The following PIP5K1B variants were observed in gnomAD, a reference collection of about 807,000 sequenced individuals.
PIP5K1B encodes phosphatidylinositol-4-phosphate 5-kinase type 1 beta, also known as phosphatidylinositol 4-phosphate 5-kinase type-1 beta.
Under a neutral mutation model 67.0 loss-of-function variants are expected in PIP5K1B, and 42 were observed. That is an observed-to-expected ratio of 0.63 (90% CI 0.49 to 0.81). PIP5K1B has a LOEUF of 0.81. Ranked by LOEUF, PIP5K1B falls within the 30% of genes least tolerant of loss-of-function variation. The pLI is 0.00. For missense variants in PIP5K1B, 459 were observed against 646.3 expected, an observed-to-expected ratio of 0.71 and a Z score of 3.14; for synonymous variants, 214 against 231.4, an observed-to-expected ratio of 0.92 and a Z score of 0.68.
chr9:68,795,342 A>G (rs538845464), intron 2 of PIP5K1B, among the ~76,000 whole-genome samples: 2 of 152,206 alleles, frequency 1.3e-5, no homozygotes, highest in Non-Finnish European at 2.9e-5. Context: ...TATCACAAAA[A>G]GTAGTAAGGA....
At chr9:68,954,424 C>A (rs988231356) in intron 14 of PIP5K1B, among the ~76,000 whole-genome samples, 1 of 152,180 alleles carries the variant, frequency 6.6e-6, no homozygotes, top group African/African-American at 2.4e-5. Context: ...AGCGAAGATT[C>A]TAAGGTTTGC....
Position 68,888,987 on chromosome 9 carries a change from A to G in PIP5K1B, c.325A>G (p.Ile109Val). 1.9e-6 allele frequency: 3 copies of G among 1,606,876 alleles called. No individual in the cohort carries two copies. The highest frequency in any genetic ancestry group is 2.2e-5 in the South Asian group (2 of 90,774). The change falls in exon 7 of 16, where the codon ATC (isoleucine) becomes GTC (valine). Residue 109 changes from isoleucine to valine, a missense_variant. Physicochemically the swap from Ile to Val is conservative, Grantham distance 29. Transcript: ENST00000265382. ...GIKPDDYLYS[I>V]CSEPLIELSN... is the part of the protein sequence containing the mutation. ...TATTCATTTACCCTTTTAGTATTCC[A>G]TCTGCAGTGAACCTCTAATAGAACT... is the stretch of plus-strand genomic sequence containing the variant.
At chr9:68,883,537 G>A (rs1050339014) in intron 6 of PIP5K1B, among the ~76,000 whole-genome samples, 1 of 152,144 alleles carries the variant, frequency 6.6e-6, no homozygotes, top group African/African-American at 2.4e-5. Flanking sequence ...GCAAAATAAT[G>A]TAAAAGATGT....
intron 8 of PIP5K1B, among the ~76,000 whole-genome samples, chr9:68,908,336 A>AATAT (rs142638844): frequency 6.0e-5 from 9 of 148,992 alleles, no homozygotes; most frequent in Admixed American, 2.0e-4. Flanking sequence ...GAAGCTGGTG[A>AATAT]ATATATATAT....
rs752537837 is a variant in PIP5K1B, at chr9:68,780,704, C to G, written c.-85-37757C>G. ...CAAGCCCTATTCCCAGCCCAACGACCCGATTTACCACCCGGAGAAGCCAGA... is the reference window on the plus strand; with the variant it reads ...CAAGCCCTATTCCCAGCCCAACGACGCGATTTACCACCCGGAGAAGCCAGA... On this transcript the variant is annotated intron_variant, in intron 2 of 15. Transcript: ENST00000265382. 28 of 1,614,204 alleles carry G rather than the reference C, an allele frequency of 1.7e-5. No homozygotes were observed. The East Asian group carries it at 6.0e-4, about 35-fold the overall frequency.
At chr9:68,960,928 C>T (rs1031102167) in intron 14 of PIP5K1B, among the ~76,000 whole-genome samples, 10 of 152,148 alleles carry the variant, frequency 6.6e-5, no homozygotes, top group African/African-American at 1.2e-4. Context: ...AGCGTGTCAC[C>T]GGCCGGGCGC....
chr9:68,753,511 G>GTTT (rs1829747426), intron 2 of PIP5K1B, among the ~76,000 whole-genome samples: 15 of 21,830 alleles, frequency 6.9e-4, no homozygotes, highest in East Asian at 3.2e-3. Flanking sequence ...GGCTAATTTT[G>GTTT]TTTCTTTTTT....
chr9:68,795,044 G>A (rs879705203), intron 2 of PIP5K1B, among the ~76,000 whole-genome samples: 9 of 152,112 alleles, frequency 5.9e-5, no homozygotes, highest in East Asian at 1.9e-4. Flanking sequence ...GTTAAGTGCC[G>A]TGCACTCCAT....
intron 12 of PIP5K1B, among the ~76,000 whole-genome samples, chr9:68,931,637 G>A (rs989113049): frequency 2.0e-5 from 3 of 152,196 alleles, no homozygotes; most frequent in Non-Finnish European, 4.4e-5. Flanking sequence ...TAAGAAGAGA[G>A]ACAGGAAGGG....
chr9:68,794,458 A>G lies in PIP5K1B; in HGVS notation c.-85-24003A>G, dbSNP rs550774489. On this transcript the variant is annotated intron_variant, in intron 2 of 15. Coordinates refer to ENST00000265382, the MANE Select transcript of PIP5K1B (RefSeq NM_003558.4). ...CATTATTGTGAGAGGGAACAATTTT[A>G]TAAGTAAATGTTTTTACTCCAAACA... Among the ~76,000 whole-genome samples the G allele has an allele frequency of 5.3e-5, 8 of 151,986 alleles. No homozygotes were observed. The South Asian group carries it at 1.2e-3, about 24-fold the overall frequency.
intron 1 of PIP5K1B, among the ~76,000 whole-genome samples, chr9:68,709,013 G>A (rs1041237281): frequency 3.3e-5 from 5 of 152,150 alleles, no homozygotes; most frequent in African/African-American, 1.2e-4. Context: ...GATAGCAGGA[G>A]GACCAAGATC....
intron 14 of PIP5K1B, among the ~76,000 whole-genome samples, chr9:68,987,387 C>G (rs995390909): frequency 2.0e-5 from 3 of 152,112 alleles, no homozygotes; most frequent in Non-Finnish European, 4.4e-5. Context: ...AACAGTGAAA[C>G]TCTGTCTCTA....
chr9:68,847,439 G>GTGTGTGTGTGTGTA (rs1822252973), intron 4 of PIP5K1B, among the ~76,000 whole-genome samples: 3 of 149,024 alleles, frequency 2.0e-5, no homozygotes, highest in Non-Finnish European at 4.5e-5. Context: ...GTGTGTGTGT[G>GTGTGTGTGTGTGTA]TGTGTGTGTG....
chr9:68,876,586 G>C (rs933439824), intron 5 of PIP5K1B, 91 bp from the exon 6 acceptor site: 1 of 753,656 alleles, frequency 1.3e-6, no homozygotes, highest in Non-Finnish European at 2.4e-6. Flanking sequence ...GATAACATTG[G>C]CCCAGGACTA....
chr9:68,871,239 G>C (rs764058368), intron 5 of PIP5K1B, among the ~76,000 whole-genome samples: 2 of 151,908 alleles, frequency 1.3e-5, no homozygotes, highest in African/African-American at 4.9e-5. Flanking sequence ...CCTGAAACTT[G>C]TAACAGAATC....
At chr9:68,856,336 G>C (rs1021873309) in intron 4 of PIP5K1B, among the ~76,000 whole-genome samples, 3 of 152,154 alleles carry the variant, frequency 2.0e-5, no homozygotes, top group Non-Finnish European at 4.4e-5. Flanking sequence ...AATCCAAAAT[G>C]TCAATTCCTT....
At chr9:68,859,908 AT>A (rs899963410) in intron 4 of PIP5K1B, among the ~76,000 whole-genome samples, 4 of 151,994 alleles carry the variant, frequency 2.6e-5, no homozygotes, top group East Asian at 1.9e-4. Flanking sequence ...TTTCTATTTT[AT>A]TTTTTTAATT....
intron 1 of PIP5K1B, among the ~76,000 whole-genome samples, chr9:68,724,812 C>G (rs1272666079): frequency 1.3e-5 from 2 of 151,954 alleles, no homozygotes; most frequent in Non-Finnish European, 2.9e-5. Flanking sequence ...TTGTCTTGTT[C>G]CAGATCTTAG....
At chr9:68,720,430 G>C (rs1827831681) in intron 1 of PIP5K1B, among the ~76,000 whole-genome samples, 2 of 152,054 alleles carry the variant, frequency 1.3e-5, no homozygotes, top group African/African-American at 4.8e-5. Context: ...CTCTATACTT[G>C]CAGCTGTGCA....
Sources: gnomAD v4.1 joint callset for allele counts (sites outside exome capture counted in the v4.1 genomes callset) on GRCh38, gnomAD v4.1.1 for gene constraint, MANE v1.5 for transcripts, NCBI Gene and HGNC (gene_info 2026-07-23, HGNC 2026-07-21) for gene names.